The following GAS2 variants were observed in gnomAD, a reference collection of about 807,000 sequenced individuals.
The protein encoded by GAS2 is growth arrest-specific protein 2.
A neutral mutation model predicts 37.5 loss-of-function variants in GAS2; 20 were observed. The ratio of observed to expected loss-of-function variants is 0.53; its 90% CI spans 0.37 to 0.77. The LOEUF is 0.77. Among genes scored for constraint, GAS2 ranks in the 30% least tolerant of loss-of-function variants. GAS2 has a pLI of 0.00. For missense variants in GAS2, 336 were observed against 373.4 expected, an observed-to-expected ratio of 0.90 and a Z score of 0.82; for synonymous variants, 144 against 132.2, an observed-to-expected ratio of 1.09 and a Z score of -0.61.
intron 3 of GAS2, among the ~76,000 whole-genome samples, chr11:22,713,825 A>C (rs907663281): frequency 1.3e-5 from 2 of 152,194 alleles, no homozygotes; most frequent in African/African-American, 4.8e-5. Flanking sequence ...ACCACTACCA[A>C]GCCAGCATAT....
chr11:22,628,729 C>T (rs536047921), intron 1 of GAS2, among the ~76,000 whole-genome samples: 82 of 152,216 alleles, frequency 5.4e-4, no homozygotes, highest in African/African-American at 1.8e-3. Context: ...AGTTCACCCT[C>T]TAACTGAGTA....
chr11:22,664,551 G>A (rs139583007), upstream of GAS2, among the ~76,000 whole-genome samples: 1 of 152,178 alleles, frequency 6.6e-6, no homozygotes, highest in East Asian at 1.9e-4. Flanking sequence ...TAAGTTTCAA[G>A]GATGTATTTA....
At chr11:22,686,858 C>A in intron 3 of GAS2, among the ~76,000 whole-genome samples, 1 of 152,038 alleles carries the variant, frequency 6.6e-6, no homozygotes, top group East Asian at 1.9e-4. Context: ...GTGTGTATTA[C>A]CACTGAATTT....
At chr11:22,729,549 T>A (rs536070740) in intron 4 of GAS2, among the ~76,000 whole-genome samples, 7 of 151,918 alleles carry the variant, frequency 4.6e-5, no homozygotes, top group Admixed American at 4.0e-4. Flanking sequence ...ATTTTTCCTC[T>A]GTAAAATGTC....
intron 3 of GAS2, among the ~76,000 whole-genome samples, chr11:22,686,168 C>A (rs1257734653): frequency 6.6e-6 from 1 of 152,182 alleles, no homozygotes; most frequent in East Asian, 1.9e-4. Flanking sequence ...AATATTATGG[C>A]AGAATACTAG....
intron 3 of GAS2, among the ~76,000 whole-genome samples, chr11:22,687,755 T>C (rs1318026984): frequency 6.6e-6 from 1 of 152,186 alleles, no homozygotes; most frequent in African/African-American, 2.4e-5. Context: ...TGAAAAAATA[T>C]AATGCCGATA....
At chr11:22,728,722 C>T (rs929058169) in intron 4 of GAS2, among the ~76,000 whole-genome samples, 1 of 151,690 alleles carries the variant, frequency 6.6e-6, no homozygotes, top group African/African-American at 2.4e-5. Flanking sequence ...ATGTAATAGG[C>T]TCTAGGGATG....
chr11:22,784,637 G>T (rs376199796), intron 7 of GAS2, among the ~76,000 whole-genome samples: 26 of 152,214 alleles, frequency 1.7e-4, no homozygotes, highest in African/African-American at 4.6e-4. Context: ...GGTTTCATAG[G>T]TTTTTTACCA....
In GAS2 at chr11:22,749,211, T is replaced by A. The variant is rs1159136148; in HGVS notation, c.565T>A (p.Ser189Thr). The change falls in exon 6 of 8, where the codon TCA becomes ACA. Residue 189 changes from serine to threonine, a missense_variant. Physicochemically the swap from Ser to Thr is moderately conservative, Grantham distance 58. Coordinates refer to ENST00000454584, the MANE Select transcript of GAS2 (RefSeq NM_001143830.3). ...TGCCCCTTCTCCTTCACCTTCTCCT[T>A]CATCAAAGTCTTCTGGAAAAAAGAG... ...LSAPSPSPSP[S>T]SKSSGKKSTG... 1 of 1,612,504 alleles carries A rather than the reference T, an allele frequency of 6.2e-7. No individual in the cohort carries two copies. The highest frequency in any genetic ancestry group is 1.7e-5 in the Admixed American group (1 of 59,814).
upstream of GAS2, among the ~76,000 whole-genome samples, chr11:22,665,509 A>T (rs563025821): frequency 6.6e-6 from 1 of 152,276 alleles, no homozygotes; most frequent in East Asian, 1.9e-4. Flanking sequence ...CCAAGCTGTT[A>T]TGTTGACCTT....
intron 3 of GAS2, among the ~76,000 whole-genome samples, chr11:22,692,693 C>A (rs1189056694): frequency 7.2e-5 from 11 of 152,144 alleles, no homozygotes; most frequent in Admixed American, 7.2e-4. Context: ...TCAGCACTTT[C>A]CAGCTTGAGT....
At chr11:22,705,251 G>C (rs985600007) in intron 3 of GAS2, among the ~76,000 whole-genome samples, 1 of 152,056 alleles carries the variant, frequency 6.6e-6, no homozygotes, top group Non-Finnish European at 1.5e-5. Flanking sequence ...TGAACCTGAC[G>C]AGTAGGTCCC....
chr11:22,785,712 C>G (rs1471475968), intron 7 of GAS2, among the ~76,000 whole-genome samples: 1 of 152,030 alleles, frequency 6.6e-6, no homozygotes, highest in Non-Finnish European at 1.5e-5. Context: ...ATTCAAAGTC[C>G]TAGATATATG....
At chr11:22,787,789 A>G (rs1261897558) in intron 7 of GAS2, among the ~76,000 whole-genome samples, 1 of 152,166 alleles carries the variant, frequency 6.6e-6, no homozygotes, top group African/African-American at 2.4e-5. Context: ...TTCAATAACT[A>G]CTATTTTGCT....
At chr11:22,656,642 A>G (rs1338000602) in intron 1 of GAS2, among the ~76,000 whole-genome samples, 1 of 152,210 alleles carries the variant, frequency 6.6e-6, no homozygotes, top group Non-Finnish European at 1.5e-5. Flanking sequence ...TATAAAAATC[A>G]TCCCCATACT....
intron 6 of GAS2, among the ~76,000 whole-genome samples, chr11:22,753,676 A>G (rs750415401): frequency 1.8e-4 from 28 of 152,046 alleles, no homozygotes; most frequent in Non-Finnish European, 3.7e-4. Context: ...CCTTCTCCCA[A>G]TGCCCCTCCC....
chr11:22,775,674 T>C (rs975119864), intron 7 of GAS2, among the ~76,000 whole-genome samples: 1 of 151,832 alleles, frequency 6.6e-6, no homozygotes, highest in African/African-American at 2.4e-5. Flanking sequence ...TTGTTTGTTA[T>C]TTAAAAAAAA....
intron 7 of GAS2, among the ~76,000 whole-genome samples, chr11:22,770,305 A>G (rs964820355): frequency 6.6e-6 from 1 of 152,226 alleles, no homozygotes; most frequent in Non-Finnish European, 1.5e-5. Flanking sequence ...CCTGGAACTT[A>G]CATAAAGTTT....
intron 7 of GAS2, among the ~76,000 whole-genome samples, chr11:22,804,061 G>C (rs1182311460): frequency 1.3e-5 from 2 of 152,116 alleles, no homozygotes; most frequent in Non-Finnish European, 2.9e-5. Flanking sequence ...CACTTATCTG[G>C]GGAAGGAGAT....
Sources: allele counts gnomAD v4.1 joint callset (sites outside exome capture counted in the v4.1 genomes callset), GRCh38; gene constraint gnomAD v4.1.1; transcripts MANE v1.5; gene names NCBI Gene and HGNC (gene_info 2026-07-23, HGNC 2026-07-21).